Variants in PUS7L observed in about 807,000 individuals in gnomAD.
The protein encoded by PUS7L is pseudouridylate synthase PUS7L.
PUS7L carries 49 observed loss-of-function variants against 51.1 expected under a neutral mutation model. The ratio of observed to expected loss-of-function variants is 0.96; its 90% CI spans 0.76 to 1.22. PUS7L has a LOEUF of 1.22. Ranked by LOEUF, PUS7L falls within the 50% of genes most tolerant of loss-of-function variation. The pLI, the probability that PUS7L is intolerant of heterozygous loss-of-function variation, is 0.00. For missense variants in PUS7L, 828 were observed against 820.6 expected (o/e 1.01, Z -0.11); for synonymous variants, 277 against 276.2 (o/e 1.00, Z -0.03).
chr12:43,738,467 C>A (rs578116883), intron 5 of PUS7L, 76 bp from the exon 6 acceptor site: 2 of 777,882 alleles, frequency 2.6e-6, no homozygotes, highest in Non-Finnish European at 4.4e-6. Flanking sequence ...TGCAAATTCT[C>A]TAGCATCCTA....
intron 6 of PUS7L, 165 bp downstream of exon 6, chr12:43,738,144 AC>A (rs1937699746): frequency 1.9e-6 from 1 of 531,942 alleles, no homozygotes. Context: ...CTGACCAAAA[AC>A]GAAGTGAGTG....
intron 7 of PUS7L, among the ~76,000 whole-genome samples, chr12:43,735,049 C>T (rs1234911852): frequency 6.6e-6 from 1 of 152,164 alleles, no homozygotes; most frequent in African/African-American, 2.4e-5. Flanking sequence ...GGTGCGGAGG[C>T]TCACGCCTGT....
At chr12:43,744,566 C>T (rs536498649) in intron 4 of PUS7L, among the ~76,000 whole-genome samples, 7 of 152,268 alleles carry the variant, frequency 4.6e-5, no homozygotes, top group Non-Finnish European at 8.8e-5. Flanking sequence ...TGCCCAGTCT[C>T]GGGTATTTCT....
At chr12:43,735,341 AAAAT>A (rs1309873935) in intron 7 of PUS7L, among the ~76,000 whole-genome samples, 4 of 151,036 alleles carry the variant, frequency 2.6e-5, no homozygotes, top group African/African-American at 4.8e-5. Flanking sequence ...ATAAAAAATA[AAAAT>A]AAATAAATAA....
At chr12:43,731,513 C>A (rs1031799773) in intron 8 of PUS7L, among the ~76,000 whole-genome samples, 192 bp downstream of exon 8, 2 of 151,988 alleles carry the variant, frequency 1.3e-5, no homozygotes, top group African/African-American at 4.8e-5. Context: ...GCCACACAGT[C>A]CTACATTTAT....
chr12:43,737,494 G>A (rs939358466), intron 6 of PUS7L, among the ~76,000 whole-genome samples: 9 of 151,562 alleles, frequency 5.9e-5, no homozygotes, highest in Admixed American at 2.6e-4. Context: ...TTCAATATAA[G>A]TGAAATTCAG....
At chr12:43,736,815 TA>T (rs1204050223) in intron 6 of PUS7L, 154 bp from the exon 7 acceptor site, 26 of 581,692 alleles carry the variant, frequency 4.5e-5, no homozygotes, top group East Asian at 1.1e-4. Context: ...TGAAGAGCTT[TA>T]AAAAAAATAA....
At chr12:43,738,433 CAAATTACTTTCTTTAA>C (rs773930506) in intron 5 of PUS7L, 42 bp from the exon 6 acceptor site, 1 of 1,016,554 alleles carries the variant, frequency 9.8e-7, no homozygotes, top group East Asian at 2.4e-5. Context: ...ATGAAAATGT[CAAATTACTTTCTTTAA>C]AAAAAGATGC....
chr12:43,728,443 A>G lies in PUS7L; in HGVS notation c.*1933T>C, dbSNP rs184422913. On this transcript the variant is annotated 3_prime_UTR_variant, in exon 9 of 9. Transcript: ENST00000344862. ...TAAAAACTAGGATTTAATAATGTAT[A>G]TAACTCATTTTATGATTACATTTAT... The G allele has an allele frequency of 1.9e-4, 29 of 152,274 alleles. No individual in the cohort carries two copies. Among genetic ancestry groups the G allele is most frequent in the Admixed American group, 1.4e-3 (22 of 15,298 alleles). The allele number at this position is 152,274 out of a possible 1,614,324, so 9.4% of individuals were successfully genotyped here.
At position 43,721,816 on chromosome 12, in the gene PUS7L, T is replaced by TCAAAATC. The variant is rs1225579495; in HGVS notation, c.*8553_*8559dup. ...GGCTGAGCATCTCTAATCTGAAAATTCAAAATCCAAAATCCAAAACTTTTT... is the reference window on the plus strand; with the variant it reads ...GGCTGAGCATCTCTAATCTGAAAATTCAAAATCCAAAATCCAAAATCCAAAACTTTTT... On this transcript the variant is annotated 3_prime_UTR_variant, in exon 9 of 9. Transcript: ENST00000344862. 4.8e-5 allele frequency: 7 copies of TCAAAATC among 146,598 alleles called. No homozygotes were observed. Among genetic ancestry groups the TCAAAATC allele is most frequent in the Admixed American group, 4.1e-4 (6 of 14,654 alleles). The allele number at this position is 146,598 out of a possible 1,614,324, so 9.1% of individuals were successfully genotyped here.
In PUS7L at chr12:43,731,722, T is replaced by C. The variant is rs1204507853; in HGVS notation, c.1762A>G (p.Met588Val). 2 of 1,579,476 alleles carry C rather than the reference T, an allele frequency of 1.3e-6. No individual in the cohort carries two copies. Among genetic ancestry groups the C allele is most frequent in the South Asian group, 1.1e-5 (1 of 88,782 alleles). Residue 588 changes from methionine (M) to valine (V), a missense_variant, in exon 8 of 9, where the codon ATG (methionine) becomes GTG (valine). Coordinates refer to ENST00000344862, the MANE Select transcript of PUS7L (RefSeq NM_031292.5). ...LVTEEEGSAN[M>V]YAIHQVVLPV... ...AAATTTACCTGATGTATTGCATACA[T>C]ATTAGCTGATCCCTCCTCTTCAGTT...
chr12:43,729,141 A>T lies in PUS7L; in HGVS notation c.*1235T>A. The T allele has an allele frequency of 2.5e-6, 1 of 397,250 alleles. No individual in the cohort carries two copies. Among genetic ancestry groups the T allele is most frequent in the Non-Finnish European group, 4.4e-6 (1 of 225,070 alleles). The allele number at this position is 397,250 out of a possible 1,614,324, so 24.6% of individuals were successfully genotyped here. The stretch of plus-strand genomic sequence containing the variant: ...ACATATTTTACCATCAAGTTGATAC[A>T]CATCATTTTACTTACTTTAGTTACG... On this transcript the variant is annotated 3_prime_UTR_variant, in exon 9 of 9. Transcript: ENST00000344862.
In PUS7L at chr12:43,723,310, C is replaced by T. The variant is rs948386640; in HGVS notation, c.*7066G>A. The T allele has an allele frequency of 2.6e-5, 4 of 152,218 alleles. No individual in the cohort carries two copies. The highest frequency in any genetic ancestry group is 6.5e-5 in the Admixed American group (1 of 15,282). 9.4% of individuals were successfully genotyped at this position (152,218 alleles called of 1,614,324 possible). Reference sequence around the variant, plus strand: ...CCACACTGAAATTACACAAGATTAACTCCATTAACACCATTTCCCATTCTT... The same window carrying T: ...CCACACTGAAATTACACAAGATTAATTCCATTAACACCATTTCCCATTCTT... On this transcript the variant is annotated 3_prime_UTR_variant, in exon 9 of 9. Transcript: ENST00000344862.
chr12:43,747,872 C>G (rs1938245529), intron 3 of PUS7L, among the ~76,000 whole-genome samples: 1 of 152,076 alleles, frequency 6.6e-6, no homozygotes, highest in Non-Finnish European at 1.5e-5. Context: ...CACTGCAACT[C>G]CCACCTCCCT....
rs1431063645 is a variant in PUS7L at position 43,723,326 on chromosome 12, T to A, written c.*7050A>T. 1 of 152,074 alleles carries A rather than the reference T, an allele frequency of 6.6e-6. No individual in the cohort carries two copies. The highest frequency in any genetic ancestry group is 1.5e-5 in the Non-Finnish European group (1 of 67,980). 9.4% of individuals were successfully genotyped at this position (152,074 alleles called of 1,614,324 possible). ...CAAGATTAACTCCATTAACACCATT[T>A]CCCATTCTTTAAACTAGTAGCTTTT... On this transcript the variant is annotated 3_prime_UTR_variant, in exon 9 of 9. Coordinates refer to ENST00000344862, the MANE Select transcript of PUS7L (RefSeq NM_031292.5).
In PUS7L at chr12:43,730,349, T is replaced by A; in HGVS notation, c.*27A>T. On this transcript the variant is annotated 3_prime_UTR_variant, in exon 9 of 9. Transcript: ENST00000344862. ...CCCCTTTCCTTCAAAGAGTGACATA[T>A]ATATGGTTATACCAAGGGTATCAGT... 1 of 1,566,128 alleles carries A rather than the reference T, an allele frequency of 6.4e-7. No homozygotes were observed. Among genetic ancestry groups the A allele is most frequent in the Non-Finnish European group, 8.8e-7 (1 of 1,139,784 alleles).
At position 43,721,647 on chromosome 12, in the gene PUS7L, A is replaced by G. The variant is rs1006610095; in HGVS notation, c.*8729T>C. On this transcript the variant is annotated 3_prime_UTR_variant, in exon 9 of 9. Transcript: ENST00000344862. ...ATATTTAATCAAATAAGTACAATAC[A>G]ATGTGAGCCATGAGATGGTAGAGAA... The G allele has an allele frequency of 1.3e-5, 2 of 152,204 alleles. No homozygotes were observed. Among genetic ancestry groups the G allele is most frequent in the African/African-American group, 4.8e-5 (2 of 41,448 alleles). The allele number at this position is 152,204 out of a possible 1,614,324, so 9.4% of individuals were successfully genotyped here.
intron 6 of PUS7L, among the ~76,000 whole-genome samples, chr12:43,737,767 G>A (rs1208133112): frequency 1.3e-5 from 2 of 151,944 alleles, no homozygotes; most frequent in East Asian, 3.9e-4. Context: ...ATACAGTTGG[G>A]AAGTATTAAA....
Position 43,720,385 on chromosome 12 carries a change from G to A in PUS7L, c.*9991C>T, listed in dbSNP as rs1592150992. ...TGTAATCCTAGCTCCTTGGGAGGCT[G>A]ATACAGGAGAATCACTTGAACCCAA... On this transcript the variant is annotated 3_prime_UTR_variant, in exon 9 of 9. Coordinates refer to ENST00000344862, the MANE Select transcript of PUS7L (RefSeq NM_031292.5). The A allele has an allele frequency of 1.3e-5, 2 of 152,310 alleles. No individual in the cohort carries two copies. The highest frequency in any genetic ancestry group is 4.1e-4 in the South Asian group (2 of 4,828). The allele number at this position is 152,310 out of a possible 1,614,324, so 9.4% of individuals were successfully genotyped here. A position where few individuals can be genotyped will look rare whatever the true frequency, so the allele number is the denominator to read the frequency against.
Sources: gnomAD v4.1 joint callset for allele counts (sites outside exome capture counted in the v4.1 genomes callset) on GRCh38, gnomAD v4.1.1 for gene constraint, MANE v1.5 for transcripts, NCBI Gene and HGNC (gene_info 2026-07-23, HGNC 2026-07-21) for gene names.